SERPINB9: variants seen among roughly 807,000 people sequenced by gnomAD.
SERPINB9 encodes the protein serpin family B member 9, also known as serpin B9.
A neutral mutation model predicts 27.2 loss-of-function variants in SERPINB9; 20 were observed. The observed-to-expected ratio is 0.74, with a 90% confidence interval of 0.52 to 1.07. The LOEUF (loss-of-function observed/expected upper bound fraction) is 1.07, where lower values mean the gene tolerates loss of function less well. SERPINB9 is among the 50% of genes least tolerant of loss of function. SERPINB9 has a pLI of 0.00. For synonymous variants in SERPINB9, 189 were observed against 180.0 expected (o/e 1.05, Z -0.40); for missense variants, 476 against 460.1 (o/e 1.03, Z -0.32).
rs143193357 is a variant in SERPINB9 at position 2,890,100 on chromosome 6, C to G, written c.*63G>C. On this transcript the variant is annotated 3_prime_UTR_variant, in exon 7 of 7. Transcript: ENST00000380698. The surrounding 1 kb of genome is among the most constrained non-coding windows in gnomAD (Gnocchi z 6.2). ...GCTTTCTAGGCCCATCCTCTTGGAG[C>G]TGTAGTGGGGATCTGGGGACACAGG... 6,584 of 1,524,720 alleles carry G rather than the reference C, an allele frequency of 4.3e-3. 20 individuals are homozygous for G. The highest frequency in any genetic ancestry group is 5.4e-3 in the Middle Eastern group (24 of 4,420). The allele number at this position is 1,524,720 out of a possible 1,614,324, so 94.4% of individuals were successfully genotyped here.
chr6:2,892,122 A>G, intron 5 of SERPINB9, 134 bp from the exon 6 acceptor site: 1 of 821,780 alleles, frequency 1.2e-6, no homozygotes, highest in Non-Finnish European at 1.9e-6. Flanking sequence ...AAAAAAAAAA[A>G]AAAAAAAAAA....
At chr6:2,898,679 G>A (rs1225644048) in intron 2 of SERPINB9, among the ~76,000 whole-genome samples, 1 of 151,866 alleles carries the variant, frequency 6.6e-6, no homozygotes. Flanking sequence ...CTGGGCGTGG[G>A]GGCGGGCACC....
Position 2,891,762 on chromosome 6 carries a change from A to C in SERPINB9, c.723+71T>G. ...ATCGCCAACTCAGAAGGTGAATATG[A>C]GAGGTGGAAGTGGCACTCGAGTTCT... is the stretch of plus-strand genomic sequence containing the variant. On this transcript the variant is annotated intron_variant, in intron 6 of 6. Coordinates refer to ENST00000380698, the MANE Select transcript of SERPINB9 (RefSeq NM_004155.6). This position sits in a 1 kb window ranked among gnomAD's most constrained non-coding sequence, Gnocchi z 4.0. 7.4e-6 allele frequency: 11 copies of C among 1,496,404 alleles called. No individual in the cohort carries two copies. Among genetic ancestry groups the C allele is most frequent in the Non-Finnish European group, 9.8e-6 (11 of 1,122,080 alleles). The allele number at this position is 1,496,404 out of a possible 1,614,324, so 92.7% of individuals were successfully genotyped here. A position where few individuals can be genotyped will look rare whatever the true frequency, so the allele number is the denominator to read the frequency against.
rs535406594 is a variant in SERPINB9, at chr6:2,902,778, A to G, written c.-11+423T>C. On this transcript the variant is annotated intron_variant, in intron 1 of 6. Coordinates refer to ENST00000380698, the MANE Select transcript of SERPINB9 (RefSeq NM_004155.6). ...AAGGATCCGACCGCCTTGGCCTCCCAAAGTGCTGGGATTACAGGCGTGAGC... is the reference window on the plus strand; with the variant it reads ...AAGGATCCGACCGCCTTGGCCTCCCGAAGTGCTGGGATTACAGGCGTGAGC... Among the ~76,000 whole-genome samples, 34 of 152,162 alleles carry G rather than the reference A, an allele frequency of 2.2e-4. No individual in the cohort carries two copies. The South Asian group carries it at 5.8e-3, about 26-fold the overall frequency.
Position 2,889,953 on chromosome 6 carries a change from A to C in SERPINB9, c.*210T>G. Reference sequence around the variant, plus strand: ...TGCAATTTTAATACAACAGGGAATCATTATGGTCTATTTTCTCAAGATTCT... The same window carrying C: ...TGCAATTTTAATACAACAGGGAATCCTTATGGTCTATTTTCTCAAGATTCT... On this transcript the variant is annotated 3_prime_UTR_variant, in exon 7 of 7. Coordinates refer to ENST00000380698, the MANE Select transcript of SERPINB9 (RefSeq NM_004155.6). The C allele has an allele frequency of 2.1e-6, 1 of 472,170 alleles. No individual in the cohort carries two copies. The highest frequency in any genetic ancestry group is 3.7e-6 in the Non-Finnish European group (1 of 267,694). 29.2% of individuals were successfully genotyped at this position (472,170 alleles called of 1,614,324 possible).
At chr6:2,893,870 C>T (rs1485133665) in intron 4 of SERPINB9, among the ~76,000 whole-genome samples, 1 of 152,090 alleles carries the variant, frequency 6.6e-6, no homozygotes, top group Admixed American at 6.5e-5. Context: ...GTGTTTGTCT[C>T]ACATGGTTAA....
In SERPINB9 at chr6:2,900,455, G is replaced by A; in HGVS notation, c.157C>T (p.Gln53Ter). The change falls in exon 2 of 7, where the codon CAG becomes TAG. Residue 53 changes from glutamine (Q) to a stop codon, truncating the protein, a stop_gained. Coordinates refer to ENST00000380698, the MANE Select transcript of SERPINB9 (RefSeq NM_004155.6). LOFTEE classifies it high-confidence loss of function. ...ACGGGCAAGCTTACCTGGGCCATCT[G>A]GGTTGCGGTGTTTCCCTTTGCCCCT... ...LLGAKGNTAT[Q>*]MAQALSLNTE... 6.2e-7 allele frequency: 1 copy of A among 1,614,086 alleles called. No homozygotes were observed. The highest frequency in any genetic ancestry group is 8.5e-7 in the Non-Finnish European group (1 of 1,180,014).
At position 2,889,187 on chromosome 6, in the gene SERPINB9, T is replaced by C. The variant is rs190134544; in HGVS notation, c.*976A>G. 2 of 152,218 alleles carry C rather than the reference T, an allele frequency of 1.3e-5. No individual in the cohort carries two copies. The highest frequency in any genetic ancestry group is 4.8e-5 in the African/African-American group (2 of 41,536). 9.4% of individuals were successfully genotyped at this position (152,218 alleles called of 1,614,324 possible). On this transcript the variant is annotated 3_prime_UTR_variant, in exon 7 of 7. Transcript: ENST00000380698. ...CTGTTAGAGGTAGAGAAATACAATA[T>C]CATAAAGAAAGATGTGATCCCTACA...
intron 5 of SERPINB9, among the ~76,000 whole-genome samples, chr6:2,893,010 C>A (rs1411117419): frequency 1.3e-5 from 2 of 148,714 alleles, no homozygotes; most frequent in Admixed American, 6.8e-5. Context: ...CTCTACCCTG[C>A]CCTATACTGC....
chr6:2,900,486 A>G lies in SERPINB9; in HGVS notation c.126T>C (p.Val42=), dbSNP rs1768159809. 1 of 1,614,110 alleles carries G rather than the reference A, an allele frequency of 6.2e-7. No individual in the cohort carries two copies. Among genetic ancestry groups the G allele is most frequent in the Non-Finnish European group, 8.5e-7 (1 of 1,180,032 alleles). ...PVSISSALAM[V]LLGAKGNTAT... The stretch of plus-strand genomic sequence containing the variant: ...CGGTGTTTCCCTTTGCCCCTAGGAG[A>G]ACCATGGCCAGGGCAGAGGAGATGC... The change falls in exon 2 of 7, where the codon GTT becomes GTC. Residue 42 remains valine (V), a synonymous_variant. Transcript: ENST00000380698.
intron 5 of SERPINB9, among the ~76,000 whole-genome samples, 190 bp downstream of exon 5, chr6:2,893,221 A>ATATAATATATATATTATATATACGT (rs1373009283): frequency 2.8e-5 from 4 of 141,180 alleles, no homozygotes; most frequent in African/African-American, 1.0e-4. Context: ...ACGTATATAT[A>ATATAATATATATATTATATATACGT]ATATATATAT....
rs1767787304 is a variant in SERPINB9 at position 2,891,127 on chromosome 6, T to A, written c.724-557A>T. 6.6e-6 allele frequency among the ~76,000 whole-genome samples: 1 copy of A among 152,130 alleles called. No individual in the cohort carries two copies. Among genetic ancestry groups the A allele is most frequent in the South Asian group, 2.1e-4 (1 of 4,828 alleles). Reference sequence around the variant, plus strand: ...CCAATGGCTGCTGCGCACACAGACCTCTTAAGTCATGGGGTCCCACTGCCT... The same window carrying A: ...CCAATGGCTGCTGCGCACACAGACCACTTAAGTCATGGGGTCCCACTGCCT... On this transcript the variant is annotated intron_variant, in intron 6 of 6. Coordinates refer to ENST00000380698, the MANE Select transcript of SERPINB9 (RefSeq NM_004155.6). This position sits in a 1 kb window ranked among gnomAD's most constrained non-coding sequence, Gnocchi z 4.0.
chr6:2,902,329 C>T (rs1768233376), intron 1 of SERPINB9, among the ~76,000 whole-genome samples: 1 of 152,244 alleles, frequency 6.6e-6, no homozygotes, highest in Non-Finnish European at 1.5e-5. Flanking sequence ...GGTGATTCCT[C>T]ATCTTGCTGG....
At chr6:2,900,175 TGC>T (rs1768146989) in intron 2 of SERPINB9, 3 of 521,746 alleles carry the variant, frequency 5.7e-6, no homozygotes, top group Non-Finnish European at 6.9e-6. Context: ...AGAAAGATTC[TGC>T]GCTAGGACAA....
At chr6:2,897,801 T>G (rs1355979241) in intron 2 of SERPINB9, among the ~76,000 whole-genome samples, 1 of 152,084 alleles carries the variant, frequency 6.6e-6, no homozygotes, top group Admixed American at 6.6e-5. Context: ...AGTAAAGTTA[T>G]ATGTGAAAAA....
At chr6:2,895,941 T>C in intron 3 of SERPINB9, 112 bp downstream of exon 3, 7 of 1,233,366 alleles carry the variant, frequency 5.7e-6, no homozygotes, top group Non-Finnish European at 7.7e-6. Flanking sequence ...ATAGTGCAAT[T>C]TTTTTAAATT....
rs183275613 is a variant in SERPINB9 at position 2,897,962 on chromosome 6, C to T, written c.169-1772G>A. ...ACATGTGCCTGTAATCCCAGCTACTCGGGAGGCTGAGGCAGGAGAATCACG... is the reference window on the plus strand; with the variant it reads ...ACATGTGCCTGTAATCCCAGCTACTTGGGAGGCTGAGGCAGGAGAATCACG... On this transcript the variant is annotated intron_variant, in intron 2 of 6. Coordinates refer to ENST00000380698, the MANE Select transcript of SERPINB9 (RefSeq NM_004155.6). Among the ~76,000 whole-genome samples, 425 of 151,942 alleles carry T rather than the reference C, an allele frequency of 2.8e-3. 1 individual carries two copies. Among genetic ancestry groups the T allele is most frequent in the African/African-American group, 9.7e-3 (401 of 41,420 alleles).
At chr6:2,895,287 G>T in intron 4 of SERPINB9, 104 bp downstream of exon 4, 1 of 713,264 alleles carries the variant, frequency 1.4e-6, no homozygotes. Flanking sequence ...GGGATAGGAG[G>T]GAGAGGAGGA....
intron 4 of SERPINB9, 86 bp from the exon 5 acceptor site, chr6:2,893,639 A>C: frequency 8.2e-7 from 1 of 1,226,208 alleles, no homozygotes; most frequent in South Asian, 1.5e-5. Flanking sequence ...GTTGAGAAGC[A>C]AACTTCTGTT....
Sources: allele counts gnomAD v4.1 joint callset (sites outside exome capture counted in the v4.1 genomes callset), GRCh38; gene constraint gnomAD v4.1.1; non-coding constraint Gnocchi (gnomAD v3.1); transcripts MANE v1.5; gene names NCBI Gene and HGNC (gene_info 2026-07-23, HGNC 2026-07-21).